Variants in BEND3 observed in about 807,000 individuals in gnomAD.
BEND3 encodes BEN domain-containing protein 3.
BEND3 carries 13 observed loss-of-function variants against 60.1 expected under a neutral mutation model. The ratio of observed to expected loss-of-function variants is 0.22; its 90% confidence interval spans 0.14 to 0.34. BEND3 has a LOEUF of 0.34. Ranked by LOEUF, BEND3 falls within the 10% of genes least tolerant of loss-of-function variation. The pLI is 1.00. For synonymous variants in BEND3, 497 were observed against 491.5 expected, an observed-to-expected ratio of 1.01 and a Z score of -0.15; for missense variants, 896 against 1,138.1, an observed-to-expected ratio of 0.79 and a Z score of 3.06.
At chr6:107,085,837 A>G (rs1554234159) in intron 3 of BEND3, among the ~76,000 whole-genome samples, 2 of 144,284 alleles carry the variant, frequency 1.4e-5, no homozygotes, top group African/African-American at 5.2e-5. Context: ...CCCAGGCTGG[A>G]GTGCAGTGGC....
intron 1 of BEND3, among the ~76,000 whole-genome samples, chr6:107,112,622 A>G (rs1770132779): frequency 6.6e-6 from 1 of 151,664 alleles, no homozygotes; most frequent in Non-Finnish European, 1.5e-5. Context: ...GGGAGGCCGA[A>G]GCTGGCGAAT....
rs1245901826 is a variant in BEND3 at position 107,066,186 on chromosome 6, TG to T, written c.*2517del. The T allele has an allele frequency of 6.6e-6, 1 of 151,688 alleles. No homozygotes were observed. The highest frequency in any genetic ancestry group is 1.5e-5 in the Non-Finnish European group (1 of 67,986). 9.4% of individuals were successfully genotyped at this position (151,688 alleles called of 1,614,324 possible). A position where few individuals can be genotyped will look rare whatever the true frequency, so the allele number is the denominator to read the frequency against. On this transcript the variant is annotated 3_prime_UTR_variant, in exon 4 of 4. Coordinates refer to ENST00000369042, the MANE Select transcript of BEND3 (RefSeq NM_001367314.1). ...GGAAAGCGACTGCCAACAGGTTTCA[TG>T]GAACACATTAAATTTTGAAAAAATA...
intron 1 of BEND3, among the ~76,000 whole-genome samples, chr6:107,112,196 A>G (rs1665901): frequency 1.3e-5 from 2 of 151,874 alleles, no homozygotes; most frequent in African/African-American, 2.4e-5. Flanking sequence ...GTTTCCAGGG[A>G]CTTTCTAGGC....
intron 3 of BEND3, among the ~76,000 whole-genome samples, chr6:107,073,947 G>C (rs989768781): frequency 6.6e-6 from 1 of 152,160 alleles, no homozygotes; most frequent in African/African-American, 2.4e-5. Flanking sequence ...GCACTGGCAT[G>C]AAGGTGTGGC....
In BEND3 at chr6:107,103,123, C is replaced by T. The variant is rs191887603; in HGVS notation, c.-11-3827G>A. 1.8e-3 allele frequency among the ~76,000 whole-genome samples: 275 copies of T among 152,260 alleles called. 1 individual carries two copies. The South Asian group carries it at 0.031, about 17-fold the overall frequency. ...AGCACTCTGGAAAGTCAGTCTGCTC[C>T]GTGCGTAGAAACAGACTCCACCCCA... On this transcript the variant is annotated intron_variant, in intron 1 of 3. Coordinates refer to ENST00000369042, the MANE Select transcript of BEND3 (RefSeq NM_001367314.1).
intron 1 of BEND3, among the ~76,000 whole-genome samples, chr6:107,107,494 A>ATGCAG (rs1444243264): frequency 2.0e-5 from 3 of 150,386 alleles, no homozygotes; most frequent in African/African-American, 7.3e-5. Flanking sequence ...ACAAAGTCTC[A>ATGCAG]TTCTGTCGCC....
At chr6:107,096,135 G>A (rs1312668332) in intron 3 of BEND3, among the ~76,000 whole-genome samples, 6 of 152,144 alleles carry the variant, frequency 3.9e-5, no homozygotes, top group African/African-American at 9.7e-5. Flanking sequence ...CAGGGGTAAG[G>A]AAGTATATGG....
Position 107,076,575 on chromosome 6 carries a change from G to A in BEND3, c.241-5625C>T, listed in dbSNP as rs185725388. Among the ~76,000 whole-genome samples the A allele has an allele frequency of 1.7e-3, 254 of 152,278 alleles. 1 individual carries two copies. The highest frequency in any genetic ancestry group is 3.0e-3 in the Non-Finnish European group (202 of 68,024). On this transcript the variant is annotated intron_variant, in intron 3 of 3. Coordinates refer to ENST00000369042, the MANE Select transcript of BEND3 (RefSeq NM_001367314.1). ...GACATCCCAGGGAGTGGGACACCCT[G>A]GAGATGCTCCAAGTGCTAGACGTCT...
At position 107,101,965 on chromosome 6, in the gene BEND3, A is replaced by T. The variant is rs188139268; in HGVS notation, c.-11-2669T>A. Among the ~76,000 whole-genome samples, 770 of 152,326 alleles carry T rather than the reference A, an allele frequency of 5.1e-3. 3 individuals carry two copies. Among genetic ancestry groups the T allele is most frequent in the Non-Finnish European group, 6.7e-3 (457 of 68,034 alleles). ...GTCAGAGGCGGACATACTTTACAAA[A>T]CAAATTACATTTGGCAGAGAAAAGG... On this transcript the variant is annotated intron_variant, in intron 1 of 3. Coordinates refer to ENST00000369042, the MANE Select transcript of BEND3 (RefSeq NM_001367314.1).
At chr6:107,088,052 C>A (rs1775395104) in intron 3 of BEND3, among the ~76,000 whole-genome samples, 1 of 149,382 alleles carries the variant, frequency 6.7e-6, no homozygotes, top group African/African-American at 2.5e-5. Context: ...TGTTCCCCTG[C>A]CTGGCTGAAA....
At chr6:107,098,805 G>A in intron 2 of BEND3, 52 bp from the exon 3 acceptor site, 4 of 1,508,350 alleles carry the variant, frequency 2.7e-6, no homozygotes, top group Non-Finnish European at 3.7e-6. Flanking sequence ...GCTGCTCAGA[G>A]ATCAGCAGGG....
chr6:107,098,413 G>C, intron 3 of BEND3, 138 bp downstream of exon 3: 1 of 821,134 alleles, frequency 1.2e-6, no homozygotes, highest in South Asian at 1.8e-5. Context: ...TGAAGCCAGA[G>C]ATGGGATAGC....
At position 107,090,750 on chromosome 6, in the gene BEND3, C is replaced by T. The variant is rs1412893645; in HGVS notation, c.240+7801G>A. 3.3e-5 allele frequency among the ~76,000 whole-genome samples: 5 copies of T among 151,944 alleles called. No individual in the cohort carries two copies. In the South Asian group the frequency reaches 6.2e-4, roughly 19 times the overall value. Reference sequence around the variant, plus strand: ...ACTAGTTGTAAATATATGTTGCAAACTTTAGGGCAACCATTAAAAAAAAGA... The same window carrying T: ...ACTAGTTGTAAATATATGTTGCAAATTTTAGGGCAACCATTAAAAAAAAGA... On this transcript the variant is annotated intron_variant, in intron 3 of 3. Coordinates refer to ENST00000369042, the MANE Select transcript of BEND3 (RefSeq NM_001367314.1).
At chr6:107,103,659 A>G (rs1775747202) in intron 1 of BEND3, among the ~76,000 whole-genome samples, 1 of 152,144 alleles carries the variant, frequency 6.6e-6, no homozygotes. Context: ...AAAGAAAAAG[A>G]AAAAAGAGGC....
At chr6:107,083,484 A>G (rs973909261) in intron 3 of BEND3, among the ~76,000 whole-genome samples, 1 of 151,980 alleles carries the variant, frequency 6.6e-6, no homozygotes, top group Admixed American at 6.6e-5. Context: ...CCCCAAAAAC[A>G]AAATTACCCA....
chr6:107,111,269 G>A (rs564849201), intron 1 of BEND3, among the ~76,000 whole-genome samples: 22 of 152,130 alleles, frequency 1.4e-4, no homozygotes, highest in Non-Finnish European at 2.1e-4. Context: ...TCAGCACTTC[G>A]GGAGGCCGAG....
intron 3 of BEND3, among the ~76,000 whole-genome samples, chr6:107,079,224 C>A (rs1627804): frequency 0.31 from 47,646 of 152,022 alleles, 7,701 homozygotes; most frequent in Admixed American, 0.39. Context: ...GAGGAGGGCC[C>A]GGGCCACTAA....
At chr6:107,080,421 G>T (rs905260901) in intron 3 of BEND3, among the ~76,000 whole-genome samples, 1 of 135,762 alleles carries the variant, frequency 7.4e-6, no homozygotes, top group East Asian at 2.2e-4. Context: ...AGAAAAAGAA[G>T]AAAACAGTAC....
intron 3 of BEND3, among the ~76,000 whole-genome samples, chr6:107,074,179 G>A (rs570900740): frequency 1.3e-5 from 2 of 152,330 alleles, no homozygotes; most frequent in Admixed American, 6.5e-5. Context: ...ACTTTGGGAG[G>A]CCGAGGCGGG....
Sources: gnomAD v4.1 joint callset for allele counts (sites outside exome capture counted in the v4.1 genomes callset) on GRCh38, gnomAD v4.1.1 for gene constraint, MANE v1.5 for transcripts, NCBI Gene and HGNC (gene_info 2026-07-23, HGNC 2026-07-21) for gene names.